Variants in FOXP2 observed in about 807,000 individuals in gnomAD.
FOXP2 encodes the protein forkhead box protein P2.
In FOXP2, 12 loss-of-function variants were observed where a neutral mutation model predicts 115.8. The observed-to-expected ratio is 0.10, with a 90% CI of 0.07 to 0.17. The LOEUF is 0.17. Among genes scored for constraint, FOXP2 ranks in the 10% least tolerant of loss-of-function variants. The pLI, the probability that FOXP2 is intolerant of heterozygous loss-of-function variation, is 1.00. For missense variants in FOXP2, 629 were observed against 843.5 expected (o/e 0.75, Z 3.15); for synonymous variants, 328 against 297.7 (o/e 1.10, Z -1.05).
At chr7:114,183,932 A>G (rs1793523958) in intron 1 of FOXP2, among the ~76,000 whole-genome samples, 1 of 152,188 alleles carries the variant, frequency 6.6e-6, no homozygotes, top group Non-Finnish European at 1.5e-5. Context: ...TTGCCAGAAG[A>G]TTAGTTAATG....
chr7:114,462,666 C>T (rs914343236), intron 2 of FOXP2, among the ~76,000 whole-genome samples: 5 of 152,104 alleles, frequency 3.3e-5, no homozygotes, highest in Admixed American at 6.5e-5. Flanking sequence ...CCACCGCGCC[C>T]GGCTTCTCAG....
chr7:114,377,019 A>G (rs1792155939), intron 2 of FOXP2, among the ~76,000 whole-genome samples: 1 of 152,192 alleles, frequency 6.6e-6, no homozygotes, highest in African/African-American at 2.4e-5. Context: ...AAAGTGCAGG[A>G]CAGATGTCAG....
At chr7:114,564,243 GT>G (rs11284890) in intron 3 of FOXP2, among the ~76,000 whole-genome samples, 141,462 of 151,716 alleles carry the variant, frequency 0.93, 66,049 homozygotes, top group East Asian at 1. Context: ...CTCCCTTTCT[GT>G]TTTTTTTTAC....
chr7:114,253,502 A>G (rs1795512182), intron 1 of FOXP2, among the ~76,000 whole-genome samples: 3 of 152,248 alleles, frequency 2.0e-5, no homozygotes, highest in Non-Finnish European at 2.9e-5. Flanking sequence ...TATATTTAGG[A>G]TAGTTAGCTC....
At chr7:114,130,897 C>T (rs958971625) in intron 1 of FOXP2, among the ~76,000 whole-genome samples, 5 of 152,172 alleles carry the variant, frequency 3.3e-5, no homozygotes, top group Admixed American at 6.5e-5. Context: ...ATTTCTACTA[C>T]ATTTTATCAT....
At chr7:114,109,555 C>A (rs1791212586) in intron 1 of FOXP2, among the ~76,000 whole-genome samples, 1 of 151,956 alleles carries the variant, frequency 6.6e-6, no homozygotes, top group Non-Finnish European at 1.5e-5. Flanking sequence ...GATGAGTCAT[C>A]TAAATTTTGT....
At chr7:114,540,962 T>A (rs1217494951) in intron 3 of FOXP2, among the ~76,000 whole-genome samples, 2 of 152,094 alleles carry the variant, frequency 1.3e-5, no homozygotes. Flanking sequence ...GAAGGGGCTA[T>A]TAAAGTTTTT....
intron 3 of FOXP2, among the ~76,000 whole-genome samples, chr7:114,624,861 C>T (rs1804458581): frequency 6.6e-6 from 1 of 151,154 alleles, no homozygotes; most frequent in Admixed American, 6.6e-5. Context: ...TTTAATATCA[C>T]TTATTAATAA....
intron 1 of FOXP2, among the ~76,000 whole-genome samples, chr7:114,284,433 C>T (rs1206645620): frequency 6.6e-6 from 1 of 152,042 alleles, no homozygotes; most frequent in Middle Eastern, 3.2e-3. Context: ...CTCTAGTTAG[C>T]CTCTCTAGTT....
chr7:114,204,962 C>T (rs537089393), intron 1 of FOXP2, among the ~76,000 whole-genome samples: 1 of 150,628 alleles, frequency 6.6e-6, no homozygotes, highest in African/African-American at 2.4e-5. Context: ...TTGGAGTTTT[C>T]GCCCAGATCA....
chr7:114,338,927 G>T (rs1056728438), intron 2 of FOXP2, among the ~76,000 whole-genome samples: 3 of 151,054 alleles, frequency 2.0e-5, no homozygotes, highest in Non-Finnish European at 4.5e-5. Context: ...ATGCTCTGGA[G>T]ATTAAAACTA....
chr7:114,341,889 A>G (rs1791225635), intron 2 of FOXP2, among the ~76,000 whole-genome samples: 1 of 151,352 alleles, frequency 6.6e-6, no homozygotes, highest in Non-Finnish European at 1.5e-5. Flanking sequence ...TTGACTGCTC[A>G]AAGGAACCAC....
In FOXP2 at chr7:114,692,310, A is replaced by G. The variant is rs1208053561; in HGVS notation, c.*2384A>G. 2.2e-6 allele frequency: 1 copy of G among 453,896 alleles called. No individual in the cohort carries two copies. The highest frequency in any genetic ancestry group is 4.4e-6 in the Non-Finnish European group (1 of 226,738). The allele number at this position is 453,896 out of a possible 1,614,324, so 28.1% of individuals were successfully genotyped here. On this transcript the variant is annotated 3_prime_UTR_variant, in exon 17 of 17. Transcript: ENST00000350908. ...AGGAAGTCTCAGCCACAGAATGCAT[A>G]TACCTGTAGAGTTTTGCATGGGTTT...
At chr7:114,322,170 A>C (rs1274811938) in intron 2 of FOXP2, among the ~76,000 whole-genome samples, 1 of 151,686 alleles carries the variant, frequency 6.6e-6, no homozygotes, top group Non-Finnish European at 1.5e-5. Flanking sequence ...TTACAGGTAC[A>C]TGCCACCATG....
chr7:114,626,556 T>C (rs1804598621), intron 3 of FOXP2, among the ~76,000 whole-genome samples: 1 of 115,266 alleles, frequency 8.7e-6, no homozygotes, highest in African/African-American at 3.9e-5. Context: ...TCTCTCTGTC[T>C]CTCTCTCTAT....
At chr7:114,103,216 T>C (rs1484318619) in intron 1 of FOXP2, among the ~76,000 whole-genome samples, 1 of 152,028 alleles carries the variant, frequency 6.6e-6, no homozygotes, top group Non-Finnish European at 1.5e-5. Context: ...TTCTGTGTTA[T>C]TTGTTAAGTC....
intron 2 of FOXP2, among the ~76,000 whole-genome samples, chr7:114,375,913 G>C (rs1436417213): frequency 9.1e-6 from 1 of 109,926 alleles, no homozygotes; most frequent in Non-Finnish European, 2.1e-5. Context: ...GAGATCTCTT[G>C]ATGATAGGAA....
At chr7:114,243,374 C>T (rs1562832603) in intron 1 of FOXP2, among the ~76,000 whole-genome samples, 1 of 151,790 alleles carries the variant, frequency 6.6e-6, no homozygotes, top group African/African-American at 2.4e-5. Context: ...GATCAAAGCA[C>T]ATGTGAGTTT....
intron 1 of FOXP2, among the ~76,000 whole-genome samples, chr7:114,244,080 A>C (rs1435520520): frequency 6.6e-6 from 1 of 152,168 alleles, no homozygotes; most frequent in East Asian, 1.9e-4. Context: ...ATTTCTAAGA[A>C]GTTTAATGCA....
Sources: gnomAD v4.1 joint callset for allele counts (sites outside exome capture counted in the v4.1 genomes callset) on GRCh38, gnomAD v4.1.1 for gene constraint, MANE v1.5 for transcripts, NCBI Gene and HGNC (gene_info 2026-07-23, HGNC 2026-07-21) for gene names.